ASTE1: variants seen among roughly 807,000 people sequenced by gnomAD.
The protein encoded by ASTE1 is single-strand DNA endonuclease ASTE1.
ASTE1 carries 49 observed loss-of-function variants against 45.8 expected under a neutral mutation model. The ratio of observed to expected loss-of-function variants is 1.07; its 90% CI spans 0.85 to 1.36. The LOEUF (loss-of-function observed/expected upper bound fraction) is 1.36, where lower values mean the gene tolerates loss of function less well. ASTE1 is among the 40% of genes most tolerant of loss of function. ASTE1 has a pLI of 0.00. For missense variants in ASTE1, 709 were observed against 804.0 expected (o/e 0.88, Z 1.43); for synonymous variants, 296 against 303.9 (o/e 0.97, Z 0.27).
intron 3 of ASTE1, among the ~76,000 whole-genome samples, 192 bp from the exon 4 acceptor site, chr3:131,018,908 T>C (rs1667424433): frequency 6.6e-6 from 1 of 152,174 alleles, no homozygotes; most frequent in Non-Finnish European, 1.5e-5. Flanking sequence ...TAAATATGGT[T>C]GGTTGAATGG....
intron 3 of ASTE1, among the ~76,000 whole-genome samples, chr3:131,019,470 G>T (rs1034319268): frequency 6.6e-6 from 1 of 152,190 alleles, no homozygotes; most frequent in African/African-American, 2.4e-5. Flanking sequence ...AAGCTCAGAA[G>T]TAAAACAGCT....
chr3:131,018,474 A>G (rs748345801), intron 4 of ASTE1, 32 bp downstream of exon 4: 1 of 1,595,530 alleles, frequency 6.3e-7, no homozygotes, highest in South Asian at 1.1e-5. Flanking sequence ...GCAACATGCC[A>G]CAATATACTC....
Position 131,025,120 on chromosome 3 carries a change from A to AT in ASTE1, c.186dup (p.Phe63IlefsTer3), listed in dbSNP as rs769198451. 73 of 1,614,056 alleles carry AT rather than the reference A, an allele frequency of 4.5e-5. No individual in the cohort carries two copies. Among genetic ancestry groups the AT allele is most frequent in the Non-Finnish European group, 6.1e-5 (72 of 1,180,034 alleles). ...TTACAAGCAAACAGTGATTCAAAGA[A>AT]TTTTTGTACAACATCTGCAAAAGAA... is the stretch of plus-strand genomic sequence containing the variant. On this transcript the variant is annotated frameshift_variant, in exon 3 of 6. Coordinates refer to ENST00000264992, the MANE Select transcript of ASTE1 (RefSeq NM_014065.4). LOFTEE classifies it high-confidence loss of function.
chr3:131,024,324 CA>C lies in ASTE1; in HGVS notation c.982del (p.Trp328GlyfsTer3), dbSNP rs759495656. ...PDALNLGLPEWVLVALAKGQL... is the reference protein window; with the variant it reads ...PDALNLGLPEXVLVALAKGQL... Reference sequence around the variant, plus strand: ...GCCTTTAGCTAAAGCCACTAATACCCATTCTGGTAAACCAAGATTCAAGGCA... The same window carrying C: ...GCCTTTAGCTAAAGCCACTAATACCCTTCTGGTAAACCAAGATTCAAGGCA... On this transcript the variant is annotated frameshift_variant, in exon 3 of 6. Coordinates refer to ENST00000264992, the MANE Select transcript of ASTE1 (RefSeq NM_014065.4). LOFTEE classifies it high-confidence loss of function. 1 of 1,614,230 alleles carries C rather than the reference CA, an allele frequency of 6.2e-7. No homozygotes were observed. Among genetic ancestry groups the C allele is most frequent in the Non-Finnish European group, 8.5e-7 (1 of 1,180,042 alleles).
In ASTE1 at chr3:131,024,556, T is replaced by C. The variant is rs540955786; in HGVS notation, c.751A>G (p.Arg251Gly). The C allele has an allele frequency of 2.5e-6, 4 of 1,614,114 alleles. No individual in the cohort carries two copies. The South Asian group carries it at 3.3e-5, about 13-fold the overall frequency. The change falls in exon 3 of 6, where the codon AGG becomes GGG. Residue 251 changes from arginine (R) to glycine (G), a missense_variant. By Grantham distance (125) the Arg-to-Gly change is moderately radical. Transcript: ENST00000264992. ...AGTCCCAGGATTCGGTGGTGTCTCCTCCCTTTAGAACTGGTAGCTCCAAGA... is the reference window on the plus strand; with the variant it reads ...AGTCCCAGGATTCGGTGGTGTCTCCCCCCTTTAGAACTGGTAGCTCCAAGA... ...LPLGATSSKG[R>G]RHHRILGLLN...
chr3:131,022,230 A>G (rs1294780707), intron 3 of ASTE1, among the ~76,000 whole-genome samples: 1 of 152,170 alleles, frequency 6.6e-6, no homozygotes, highest in Non-Finnish European at 1.5e-5. Context: ...GAAAGACTGG[A>G]TCCTATAGGG....
At position 131,026,803 on chromosome 3, in the gene ASTE1, G is replaced by A. The variant is rs1206118558; in HGVS notation, c.-443C>T. 6.6e-6 allele frequency: 1 copy of A among 152,458 alleles called. No individual in the cohort carries two copies. The highest frequency in any genetic ancestry group is 1.5e-5 in the Non-Finnish European group (1 of 68,262). 9.4% of individuals were successfully genotyped at this position (152,458 alleles called of 1,614,324 possible). A position where few individuals can be genotyped will look rare whatever the true frequency, so the allele number is the denominator to read the frequency against. ...CCTCCTCTGCTTTCTCCGCCTACTTGGGTCGGCGAACACTTCCGCCTTGGT... is the reference window on the plus strand; with the variant it reads ...CCTCCTCTGCTTTCTCCGCCTACTTAGGTCGGCGAACACTTCCGCCTTGGT... On this transcript the variant is annotated 5_prime_UTR_variant, in exon 1 of 6. Coordinates refer to ENST00000264992, the MANE Select transcript of ASTE1 (RefSeq NM_014065.4).
In ASTE1 at chr3:131,014,187, TTC is replaced by T. The variant is rs753405495; in HGVS notation, c.1908_1909del (p.Asn637TyrfsTer5). 4.3e-6 allele frequency: 7 copies of T among 1,613,900 alleles called. No homozygotes were observed. The highest frequency in any genetic ancestry group is 2.2e-5 in the East Asian group (1 of 44,900). On this transcript the variant is annotated frameshift_variant, in exon 6 of 6. Transcript: ENST00000264992. LOFTEE classifies it low-confidence loss of function (END_TRUNC). ...CCCTCTGTTCTTAGAACAGCTGGTA[TTC>T]TGTTTCTTCTGCCTTTTTTTTTTTG...
intron 3 of ASTE1, among the ~76,000 whole-genome samples, 162 bp downstream of exon 3, chr3:131,023,843 T>C (rs17330404): frequency 0.18 from 27,418 of 152,108 alleles, 2,622 homozygotes; most frequent in Middle Eastern, 0.22. Context: ...GGCTAAGACA[T>C]TACCTAGTTC....
chr3:131,024,652 C>T lies in ASTE1; in HGVS notation c.655G>A (p.Ala219Thr). 2 of 1,595,010 alleles carry T rather than the reference C, an allele frequency of 1.3e-6. No homozygotes were observed. The highest frequency in any genetic ancestry group is 1.3e-5 in the African/African-American group (1 of 74,408). The part of the protein sequence containing the change: ...NMNKALLPLF[A>T]VLCGNDHVNL... ...ACATGGTCATTTCCACATAGCACCG[C>T]AAAGAGAGGTAGTAGAGCTTTATTC... The change falls in exon 3 of 6, where the codon GCG becomes ACG. Residue 219 changes from alanine to threonine, a missense_variant. Coordinates refer to ENST00000264992, the MANE Select transcript of ASTE1 (RefSeq NM_014065.4).
At chr3:131,016,912 G>A in intron 4 of ASTE1, 1 of 1,025,014 alleles carries the variant, frequency 9.8e-7, no homozygotes. Flanking sequence ...TTAGCTGTAA[G>A]TTTCTACAGA....
At chr3:131,015,228 C>T in intron 5 of ASTE1, 1 of 702,164 alleles carries the variant, frequency 1.4e-6, no homozygotes, top group Non-Finnish European at 2.6e-6. Context: ...GTCCATATAT[C>T]CTCATTCAAA....
rs557291548 is a variant in ASTE1 at position 131,024,144 on chromosome 3, T to A, written c.1163A>T (p.Asp388Val). 1 of 1,614,222 alleles carries A rather than the reference T, an allele frequency of 6.2e-7. No individual in the cohort carries two copies. The highest frequency in any genetic ancestry group is 1.7e-5 in the Admixed American group (1 of 60,036). The part of the protein sequence containing the change: ...GLLLNASPHL[D>V]KTSWNALPPQ... Reference sequence around the variant, plus strand: ...AGGCAATGCATTCCAGGATGTCTTGTCCAGATGTGGTGAGGCATTTAAAAG... The same window carrying A: ...AGGCAATGCATTCCAGGATGTCTTGACCAGATGTGGTGAGGCATTTAAAAG... The change falls in exon 3 of 6, where the codon GAC (aspartate) becomes GTC (valine). Residue 388 changes from aspartate (D) to valine (V), a missense_variant. Coordinates refer to ENST00000264992, the MANE Select transcript of ASTE1 (RefSeq NM_014065.4).
chr3:131,017,683 T>G (rs1228202855), intron 4 of ASTE1, among the ~76,000 whole-genome samples: 2 of 152,220 alleles, frequency 1.3e-5, no homozygotes, highest in African/African-American at 4.8e-5. Flanking sequence ...ATTTAAGAGA[T>G]ATTACTGGCC....
In ASTE1 at chr3:131,025,562, A is replaced by G. The variant is rs2063831783; in HGVS notation, c.-114T>C. On this transcript the variant is annotated 5_prime_UTR_variant, in exon 2 of 6. Transcript: ENST00000264992. ...AAATTCAATGGTTTCATGGGTTGTA[A>G]TCTTTGGATGGTGACAGAGGCTGCT... 2 of 506,004 alleles carry G rather than the reference A, an allele frequency of 4.0e-6. No homozygotes were observed. Among genetic ancestry groups the G allele is most frequent in the Admixed American group, 3.9e-5 (1 of 25,710 alleles). The allele number at this position is 506,004 out of a possible 1,614,324, so 31.3% of individuals were successfully genotyped here. A position where few individuals can be genotyped will look rare whatever the true frequency, so the allele number is the denominator to read the frequency against.
At chr3:131,026,171 A>G (rs6439270) in intron 1 of ASTE1, 1 of 152,168 alleles carries the variant, frequency 6.6e-6, no homozygotes, top group Non-Finnish European at 1.5e-5. Flanking sequence ...ATTTTTAGAG[A>G]TTGCATTAAA....
At chr3:131,017,032 G>T in intron 4 of ASTE1, 1 of 1,289,370 alleles carries the variant, frequency 7.8e-7, no homozygotes, top group Non-Finnish European at 1.0e-6. Flanking sequence ...GCCTGCCTGG[G>T]TACAGGGTCC....
At chr3:131,023,296 T>G (rs979711153) in intron 3 of ASTE1, among the ~76,000 whole-genome samples, 9 of 152,300 alleles carry the variant, frequency 5.9e-5, no homozygotes, top group African/African-American at 2.2e-4. Context: ...AAGTTATCTC[T>G]ATTTAATGTC....
chr3:131,024,740 T>G lies in ASTE1; in HGVS notation c.567A>C (p.Thr189=). The change falls in exon 3 of 6, where the codon ACA becomes ACC. Residue 189 remains threonine (T), a synonymous_variant. Transcript: ENST00000264992. ...AGCATTTGGCAGGGATATAGTTTTG[T>G]GTGCCCTTAATAGTGTTCATATTTC... is the stretch of plus-strand genomic sequence containing the variant. ...QWRNMNTIKG[T]QNYIPAKCFS... 6.2e-7 allele frequency: 1 copy of G among 1,611,908 alleles called. No individual in the cohort carries two copies. Among genetic ancestry groups the G allele is most frequent in the Non-Finnish European group, 8.5e-7 (1 of 1,178,934 alleles).
Sources: gnomAD v4.1 joint callset for allele counts (sites outside exome capture counted in the v4.1 genomes callset) on GRCh38, gnomAD v4.1.1 for gene constraint, MANE v1.5 for transcripts, NCBI Gene and HGNC (gene_info 2026-07-23, HGNC 2026-07-21) for gene names.